The following SIRPB2 variants were observed in gnomAD, a reference collection of about 807,000 sequenced individuals.
SIRPB2 encodes the protein signal-regulatory protein beta-2.
In SIRPB2, 18 loss-of-function variants were observed where a neutral mutation model predicts 27.1. That is an observed-to-expected ratio of 0.66 (90% confidence interval 0.46 to 0.98). The LOEUF (loss-of-function observed/expected upper bound fraction) is 0.98, where lower values mean the gene tolerates loss of function less well. SIRPB2 is among the 50% of genes least tolerant of loss of function. SIRPB2 has a pLI of 0.00. For synonymous variants in SIRPB2, 150 were observed against 164.6 expected, an observed-to-expected ratio of 0.91 and a Z score of 0.68; for missense variants, 420 against 417.4, an observed-to-expected ratio of 1.01 and a Z score of -0.06.
intron 1 of SIRPB2, among the ~76,000 whole-genome samples, chr20:1,484,698 A>G (rs2090708363): frequency 6.6e-6 from 1 of 151,554 alleles, no homozygotes; most frequent in African/African-American, 2.4e-5. Context: ...ACAATAAAAA[A>G]AAAAAACAAA....
At chr20:1,482,500 TTCCTTCCTTCCC>T (rs1484304703) in intron 1 of SIRPB2, among the ~76,000 whole-genome samples, 3 of 151,954 alleles carry the variant, frequency 2.0e-5, no homozygotes, top group African/African-American at 7.3e-5. Context: ...GGCTCACTCC[TTCCTTCCTTCCC>T]TCCTTCCTTC....
At chr20:1,479,571 A>C in intron 2 of SIRPB2, 129 bp downstream of exon 2, 79 of 1,361,232 alleles carry the variant, frequency 5.8e-5, no homozygotes, top group Non-Finnish European at 6.9e-5. Context: ...ATGTGCATGT[A>C]GAGATACAAA....
intron 1 of SIRPB2, among the ~76,000 whole-genome samples, chr20:1,486,055 C>A (rs2090722516): frequency 1.4e-5 from 2 of 141,794 alleles, no homozygotes; most frequent in African/African-American, 2.5e-5. Context: ...TTTTCCATAT[C>A]TTTTTCTTTT....
chr20:1,477,409 A>C lies in SIRPB2; in HGVS notation c.794-6T>G. On this transcript the variant is annotated splice_polypyrimidine_tract_variant and splice_region_variant and intron_variant, in intron 3 of 4. Coordinates refer to ENST00000359801, the MANE Select transcript of SIRPB2 (RefSeq NM_001122962.2). Reference sequence around the variant, plus strand: ...TTTGGAAGAGGTAGATTTTGCTGCAAGGGAGAGAGGCTTTGTCATACTTCC... The same window carrying C: ...TTTGGAAGAGGTAGATTTTGCTGCACGGGAGAGAGGCTTTGTCATACTTCC... 6.2e-7 allele frequency: 1 copy of C among 1,610,232 alleles called. No homozygotes were observed. Among genetic ancestry groups the C allele is most frequent in the Non-Finnish European group, 8.5e-7 (1 of 1,177,220 alleles).
At chr20:1,486,555 C>T (rs1415982029) in intron 1 of SIRPB2, among the ~76,000 whole-genome samples, 2 of 152,042 alleles carry the variant, frequency 1.3e-5, no homozygotes, top group Admixed American at 1.3e-4. Context: ...AAAAATTTTA[C>T]ACAAAATTTT....
downstream of SIRPB2, among the ~76,000 whole-genome samples, chr20:1,473,621 T>C (rs1039600921): frequency 7.2e-5 from 11 of 152,186 alleles, no homozygotes; most frequent in Admixed American, 3.3e-4. Context: ...AGGTAAGAGT[T>C]AAGCAGAGAC....
At chr20:1,473,477 TG>T (rs2090588697), downstream of SIRPB2, among the ~76,000 whole-genome samples, 1 of 152,082 alleles carries the variant, frequency 6.6e-6, no homozygotes, top group African/African-American at 2.4e-5. Flanking sequence ...CACACATGCA[TG>T]TGCGCTCACA....
intron 1 of SIRPB2, among the ~76,000 whole-genome samples, chr20:1,489,919 C>A (rs1225676130): frequency 6.6e-6 from 1 of 152,118 alleles, no homozygotes; most frequent in Non-Finnish European, 1.5e-5. Context: ...AACATTAAAC[C>A]AAGCATGGGG....
Position 1,476,125 on chromosome 20 carries a change from C to T in SIRPB2, c.*42G>A, listed in dbSNP as rs2090603717. The T allele has an allele frequency of 1.9e-6, 3 of 1,598,734 alleles. No homozygotes were observed. Among genetic ancestry groups the T allele is most frequent in the African/African-American group, 1.4e-5 (1 of 73,862 alleles). On this transcript the variant is annotated 3_prime_UTR_variant, in exon 5 of 5. Coordinates refer to ENST00000359801, the MANE Select transcript of SIRPB2 (RefSeq NM_001122962.2). ...TAGGGAAATGGTTGAGGAGCCCTGG[C>T]TCCTCTCCAACTCAGAGGGTCCTCA...
At chr20:1,472,556 G>T (rs986529800), downstream of SIRPB2, 1 of 152,164 alleles carries the variant, frequency 6.6e-6, no homozygotes, top group Non-Finnish European at 1.5e-5. Flanking sequence ...CATAACAATA[G>T]CCTAATGAAA....
chr20:1,487,873 G>A (rs185671271), intron 1 of SIRPB2, among the ~76,000 whole-genome samples: 3 of 152,128 alleles, frequency 2.0e-5, no homozygotes, highest in Admixed American at 6.5e-5. Context: ...AATGGTGCAA[G>A]AACCATTGGA....
At chr20:1,479,466 A>G (rs1444821349) in intron 2 of SIRPB2, 1 of 610,812 alleles carries the variant, frequency 1.6e-6, no homozygotes, top group African/African-American at 1.8e-5. Flanking sequence ...TGCTTCTGCC[A>G]TCTTTATGAG....
At chr20:1,489,487 T>G (rs905906342) in intron 1 of SIRPB2, among the ~76,000 whole-genome samples, 13 of 151,932 alleles carry the variant, frequency 8.6e-5, no homozygotes, top group African/African-American at 2.9e-4. Context: ...TAGGGGTGAG[T>G]CTGGGGAAGT....
downstream of SIRPB2, chr20:1,470,809 C>T (rs993812108): frequency 1.3e-5 from 2 of 152,222 alleles, no homozygotes; most frequent in African/African-American, 2.4e-5. Context: ...ACACAACATT[C>T]ACAGCCAGGG....
chr20:1,470,939 T>G (rs1348864120), downstream of SIRPB2: 1 of 152,152 alleles, frequency 6.6e-6, no homozygotes, highest in Non-Finnish European at 1.5e-5. Flanking sequence ...TCTTTCAGAG[T>G]GTACTGTCTC....
At chr20:1,482,090 TATTGTGAGGCTTCTAACAC>T (rs1382253257) in intron 1 of SIRPB2, among the ~76,000 whole-genome samples, 1 of 152,168 alleles carries the variant, frequency 6.6e-6, no homozygotes, top group Admixed American at 6.5e-5. Context: ...AATAACATTC[TATTGTGAGGCTTCTAACAC>T]ATGTATATGT....
chr20:1,485,651 C>T (rs575128500), intron 1 of SIRPB2, among the ~76,000 whole-genome samples: 2 of 137,948 alleles, frequency 1.4e-5, no homozygotes, highest in Non-Finnish European at 3.0e-5. Flanking sequence ...CACACACACA[C>T]ACCACACACA....
intron 1 of SIRPB2, among the ~76,000 whole-genome samples, chr20:1,490,125 T>C (rs2090764304): frequency 6.6e-6 from 1 of 152,238 alleles, no homozygotes; most frequent in Admixed American, 6.5e-5. Context: ...TCTGATTTCC[T>C]AGTCTAGTGC....
intron 2 of SIRPB2, 30 bp downstream of exon 2, chr20:1,479,652 GGGAAACAGACTGGAGCAA>G: frequency 1.3e-6 from 2 of 1,595,786 alleles, no homozygotes; most frequent in Non-Finnish European, 1.7e-6. Flanking sequence ...TGACTGTGCA[GGGAAACAGACTGGAGCAA>G]ATGTGTGGTC....
Sources: gnomAD v4.1 joint callset for allele counts (sites outside exome capture counted in the v4.1 genomes callset) on GRCh38, gnomAD v4.1.1 for gene constraint, MANE v1.5 for transcripts, NCBI Gene and HGNC (gene_info 2026-07-23, HGNC 2026-07-21) for gene names.